The following CPE variants were observed in gnomAD, a reference collection of about 807,000 sequenced individuals.
CPE encodes the protein carboxypeptidase E.
Under a neutral mutation model 53.5 loss-of-function variants are expected in CPE, and 17 were observed. The ratio of observed to expected loss-of-function variants is 0.32; its 90% confidence interval spans 0.22 to 0.48. The LOEUF (loss-of-function observed/expected upper bound fraction) is 0.48, where lower values mean the gene tolerates loss of function less well. Ranked by LOEUF, CPE falls within the 20% of genes least tolerant of loss-of-function variation. CPE has a pLI of 0.99. For synonymous variants in CPE, 226 were observed against 228.8 expected, an observed-to-expected ratio of 0.99 and a Z score of 0.11; for missense variants, 524 against 614.7, an observed-to-expected ratio of 0.85 and a Z score of 1.56.
chr4:165,474,417 T>C (rs957486457), intron 3 of CPE, among the ~76,000 whole-genome samples: 11 of 152,128 alleles, frequency 7.2e-5, no homozygotes, highest in African/African-American at 2.4e-4. Flanking sequence ...TCCTGTGGTA[T>C]AGAGACATGG....
chr4:165,444,580 C>T (rs747143206), intron 1 of CPE, among the ~76,000 whole-genome samples: 25 of 152,172 alleles, frequency 1.6e-4, no homozygotes, highest in Non-Finnish European at 3.7e-4. Context: ...TGATCTGCCT[C>T]CCCAGGTGGG....
intron 1 of CPE, among the ~76,000 whole-genome samples, chr4:165,400,976 A>G (rs948751292): frequency 1.3e-5 from 2 of 152,160 alleles, no homozygotes; most frequent in African/African-American, 4.8e-5. Flanking sequence ...TGGATGATAA[A>G]TTATGAGTTA....
At chr4:165,428,213 A>T (rs1731354278) in intron 1 of CPE, among the ~76,000 whole-genome samples, 1 of 152,078 alleles carries the variant, frequency 6.6e-6, no homozygotes, top group Non-Finnish European at 1.5e-5. Context: ...AATTTTTTAA[A>T]TGTTAATTTT....
intron 1 of CPE, among the ~76,000 whole-genome samples, chr4:165,449,183 T>C (rs1731768014): frequency 6.6e-6 from 1 of 152,236 alleles, no homozygotes; most frequent in South Asian, 2.1e-4. Context: ...ATTCTAGGTC[T>C]AATAAGATAG....
rs1463257111 is a variant in CPE, at chr4:165,495,776, C to T, written c.1332+99C>T. On this transcript the variant is annotated intron_variant, in intron 8 of 8. Coordinates refer to ENST00000402744, the MANE Select transcript of CPE (RefSeq NM_001873.4). ...ATTTATATTTAATCTTCGTACTAGC[C>T]CTATGAGGTAGGCAACATTGTTATC... The T allele has an allele frequency of 1.3e-5, 10 of 756,432 alleles. No homozygotes were observed. The Admixed American group carries it at 3.2e-4, about 24-fold the overall frequency. 46.9% of individuals were successfully genotyped at this position (756,432 alleles called of 1,614,324 possible).
chr4:165,389,597 C>T (rs563791189), intron 1 of CPE, among the ~76,000 whole-genome samples: 1 of 152,302 alleles, frequency 6.6e-6, no homozygotes, highest in East Asian at 1.9e-4. Context: ...GAGTTGTCTT[C>T]CTCCCTGGAG....
intron 1 of CPE, among the ~76,000 whole-genome samples, chr4:165,399,540 T>G (rs1435246565): frequency 6.6e-6 from 1 of 152,034 alleles, no homozygotes; most frequent in Non-Finnish European, 1.5e-5. Flanking sequence ...CCCAGCTAAT[T>G]TTTGTATTTT....
chr4:165,466,879 A>T (rs774452615), intron 2 of CPE, among the ~76,000 whole-genome samples: 2 of 152,232 alleles, frequency 1.3e-5, no homozygotes, highest in Admixed American at 1.3e-4. Flanking sequence ...GACTCTTTGT[A>T]ATAACACTTA....
chr4:165,384,320 T>C (rs940224035), intron 1 of CPE, among the ~76,000 whole-genome samples: 1 of 152,216 alleles, frequency 6.6e-6, no homozygotes, highest in South Asian at 2.1e-4. Flanking sequence ...ATTCGTACTG[T>C]ATAAGATTTC....
At chr4:165,445,556 G>A (rs1469054044) in intron 1 of CPE, among the ~76,000 whole-genome samples, 1 of 151,984 alleles carries the variant, frequency 6.6e-6, no homozygotes, top group Non-Finnish European at 1.5e-5. Flanking sequence ...GTAGAAAAAT[G>A]TTCTTTTCAC....
At chr4:165,428,547 T>C (rs999700143) in intron 1 of CPE, among the ~76,000 whole-genome samples, 7 of 152,228 alleles carry the variant, frequency 4.6e-5, no homozygotes, top group Non-Finnish European at 8.8e-5. Context: ...CTGTAACAAA[T>C]TACCACAAAT....
At chr4:165,391,200 A>G (rs550871708) in intron 1 of CPE, among the ~76,000 whole-genome samples, 1 of 152,244 alleles carries the variant, frequency 6.6e-6, no homozygotes, top group Non-Finnish European at 1.5e-5. Flanking sequence ...TGGATACTAT[A>G]ATTTTGTGAC....
chr4:165,479,858 G>C (rs1732371866), intron 3 of CPE, among the ~76,000 whole-genome samples: 1 of 152,068 alleles, frequency 6.6e-6, no homozygotes, highest in Admixed American at 6.5e-5. Flanking sequence ...CAGGTGTGGT[G>C]GCAGGCACCT....
At chr4:165,491,083 A>G (rs958451839) in intron 6 of CPE, among the ~76,000 whole-genome samples, 1 of 152,260 alleles carries the variant, frequency 6.6e-6, no homozygotes, top group African/African-American at 2.4e-5. Flanking sequence ...TTTTTCAAAC[A>G]GAAAAGTTGA....
chr4:165,461,182 A>AG (rs1475480030), intron 1 of CPE, among the ~76,000 whole-genome samples: 1 of 69,248 alleles, frequency 1.4e-5, no homozygotes, highest in Non-Finnish European at 3.1e-5. Flanking sequence ...AAAAAAAAAA[A>AG]AAAAAGAAAG....
At chr4:165,393,229 G>A (rs540305190) in intron 1 of CPE, among the ~76,000 whole-genome samples, 1 of 152,256 alleles carries the variant, frequency 6.6e-6, no homozygotes, top group South Asian at 2.1e-4. Flanking sequence ...TCAGCCCATA[G>A]ATTTTCTCCA....
chr4:165,472,731 T>A (rs932957106), intron 3 of CPE, among the ~76,000 whole-genome samples: 1 of 152,184 alleles, frequency 6.6e-6, no homozygotes, highest in Non-Finnish European at 1.5e-5. Context: ...TATCTAACTT[T>A]AAAAAATCCT....
At chr4:165,386,161 G>T in intron 1 of CPE, 2 of 480,136 alleles carry the variant, frequency 4.2e-6, no homozygotes, top group South Asian at 3.2e-5. Context: ...ATTAAATGAG[G>T]TGGTAAATAT....
chr4:165,449,780 T>C (rs75364826), intron 1 of CPE, among the ~76,000 whole-genome samples: 6,079 of 152,208 alleles, frequency 0.04, 391 homozygotes, highest in African/African-American at 0.13. Flanking sequence ...CATTGCTTTA[T>C]CTTTTTCTGA....
Sources: allele counts gnomAD v4.1 joint callset (sites outside exome capture counted in the v4.1 genomes callset), GRCh38; gene constraint gnomAD v4.1.1; transcripts MANE v1.5; gene names NCBI Gene and HGNC (gene_info 2026-07-23, HGNC 2026-07-21).